The following GRIN3A variants were observed in gnomAD, a reference collection of about 807,000 sequenced individuals.
The protein encoded by GRIN3A is glutamate receptor ionotropic, NMDA 3A.
GRIN3A carries 47 observed loss-of-function variants against 92.4 expected under a neutral mutation model. That is an observed-to-expected ratio of 0.51 (90% confidence interval 0.40 to 0.65). GRIN3A has a LOEUF of 0.65. Ranked by LOEUF, GRIN3A falls within the 30% of genes least tolerant of loss-of-function variation. The probability of loss-of-function intolerance (pLI) is 0.00; values close to 1 mark genes in which losing one functional copy is unlikely to be tolerated. For missense variants in GRIN3A, 1,324 were observed against 1,393.1 expected, an observed-to-expected ratio of 0.95 and a Z score of 0.79; for synonymous variants, 527 against 540.6, an observed-to-expected ratio of 0.97 and a Z score of 0.35.
intron 6 of GRIN3A, among the ~76,000 whole-genome samples, chr9:101,586,109 CA>C (rs1448133786): frequency 6.6e-6 from 1 of 152,172 alleles, no homozygotes; most frequent in African/African-American, 2.4e-5. Context: ...TCTCAAATGT[CA>C]CCTATCCATG....
At position 101,623,204 on chromosome 9, in the gene GRIN3A, A is replaced by T; in HGVS notation, c.2614+114T>A. ...GCTAAGTGCTTATGAGTTGAAAATG[A>T]AAACGAGGGAAGATGAATAGCTCTT... On this transcript the variant is annotated intron_variant, in intron 5 of 8. Transcript: ENST00000361820. The T allele has an allele frequency of 6.6e-6, 5 of 752,004 alleles. No homozygotes were observed. In the South Asian group the frequency reaches 7.3e-5, roughly 11 times the overall value. 46.6% of individuals were successfully genotyped at this position (752,004 alleles called of 1,614,324 possible).
At chr9:101,638,674 T>C (rs1828814582) in intron 3 of GRIN3A, among the ~76,000 whole-genome samples, 1 of 152,254 alleles carries the variant, frequency 6.6e-6, no homozygotes, top group African/African-American at 2.4e-5. Flanking sequence ...TTTATATGTA[T>C]GAACTTTTAA....
intron 4 of GRIN3A, 27 bp downstream of exon 4, chr9:101,628,229 C>T (rs1179635504): frequency 1.2e-6 from 2 of 1,613,154 alleles, no homozygotes; most frequent in Non-Finnish European, 1.7e-6. Context: ...GAGAATTTTT[C>T]TTTGGATCCA....
At position 101,616,365 on chromosome 9, in the gene GRIN3A, C is replaced by A. The variant is rs201974552; in HGVS notation, c.2615-2838G>T. ...TATTTAATAATAACATCAGCAGAAT[C>A]AAAAGCTACCCATCCAAACTCTTTT... On this transcript the variant is annotated intron_variant, in intron 5 of 8. Coordinates refer to ENST00000361820, the MANE Select transcript of GRIN3A (RefSeq NM_133445.3). 8.4e-4 allele frequency among the ~76,000 whole-genome samples: 128 copies of A among 152,226 alleles called. 1 individual carries two copies. The highest frequency in any genetic ancestry group is 2.6e-3 in the African/African-American group (109 of 41,552).
intron 6 of GRIN3A, chr9:101,593,323 A>G (rs974121700): frequency 7.9e-5 from 12 of 152,208 alleles, no homozygotes; most frequent in Admixed American, 6.5e-4. Flanking sequence ...TCCACTAGGG[A>G]AAAGGCTTCC....
In GRIN3A at chr9:101,573,436, A is replaced by C; in HGVS notation, c.3086T>G (p.Phe1029Cys). The C allele has an allele frequency of 6.2e-7, 1 of 1,613,934 alleles. No individual in the cohort carries two copies. Among genetic ancestry groups the C allele is most frequent in the South Asian group, 1.1e-5 (1 of 91,074 alleles). Residue 1029 changes from phenylalanine (F) to cysteine (C), a missense_variant, in exon 9 of 9, where the codon TTT (phenylalanine) becomes TGT (cysteine). Transcript: ENST00000361820. Reference sequence around the variant, plus strand: ...CTGGTTTTGTCCTTCCTCATCACTAAAGATGTATTTCCGTCGGTTGTCATG... The same window carrying C: ...CTGGTTTTGTCCTTCCTCATCACTACAGATGTATTTCCGTCGGTTGTCATG... Reference protein sequence around the residue: ...LSHDNRRKYIFSDEEGQNQLG... With the variant: ...LSHDNRRKYICSDEEGQNQLG...
At chr9:101,668,522 G>A (rs182502340) in intron 3 of GRIN3A, among the ~76,000 whole-genome samples, 1 of 152,168 alleles carries the variant, frequency 6.6e-6, no homozygotes, top group East Asian at 1.9e-4. Context: ...ATAAACAAAG[G>A]CTGCTGATGC....
In GRIN3A at chr9:101,638,286, A is replaced by G. The variant is rs191687412; in HGVS notation, c.2353-9885T>C. Among the ~76,000 whole-genome samples the G allele has an allele frequency of 3.3e-5, 5 of 152,296 alleles. No individual in the cohort carries two copies. The East Asian group carries it at 9.6e-4, about 29-fold the overall frequency. On this transcript the variant is annotated intron_variant, in intron 3 of 8. Transcript: ENST00000361820. ...CAAATTATAGAATTTCAACAAAGGA[A>G]TCATTGCTATTCTGCTGCAAAGGTT...
At chr9:101,696,532 GT>G (rs71356380) in intron 1 of GRIN3A, among the ~76,000 whole-genome samples, 21,787 of 152,074 alleles carry the variant, frequency 0.14, 1,690 homozygotes, top group Admixed American at 0.19. Flanking sequence ...CACCACCTTG[GT>G]TTTGGTCAAA....
At chr9:101,708,000 G>C (rs773317003) in intron 1 of GRIN3A, among the ~76,000 whole-genome samples, 31 of 152,082 alleles carry the variant, frequency 2.0e-4, no homozygotes, top group Non-Finnish European at 3.5e-4. Flanking sequence ...GAAAAAAAGA[G>C]AACTCCTCAT....
intron 6 of GRIN3A, among the ~76,000 whole-genome samples, chr9:101,611,659 T>C (rs1828369910): frequency 6.6e-6 from 1 of 152,194 alleles, no homozygotes; most frequent in Non-Finnish European, 1.5e-5. Flanking sequence ...ACATTGACAA[T>C]ACAATTGTAA....
intron 3 of GRIN3A, among the ~76,000 whole-genome samples, chr9:101,642,959 T>A (rs981366394): frequency 6.6e-6 from 1 of 152,130 alleles, no homozygotes; most frequent in Non-Finnish European, 1.5e-5. Flanking sequence ...TATGATGAGT[T>A]GTGTATCATA....
intron 6 of GRIN3A, among the ~76,000 whole-genome samples, chr9:101,587,428 A>C (rs550917632): frequency 6.6e-6 from 1 of 152,284 alleles, no homozygotes; most frequent in South Asian, 2.1e-4. Context: ...TTTGAGATAG[A>C]CTGTATCCTG....
At chr9:101,683,847 TGAGAGAGA>T (rs55960998) in intron 2 of GRIN3A, among the ~76,000 whole-genome samples, 1,766 of 135,808 alleles carry the variant, frequency 0.013, 34 homozygotes, top group African/African-American at 0.043. Flanking sequence ...AGAGAGACAG[TGAGAGAGA>T]GAGAGAGAGA....
At chr9:101,638,084 G>A (rs899949717) in intron 3 of GRIN3A, among the ~76,000 whole-genome samples, 1 of 152,124 alleles carries the variant, frequency 6.6e-6, no homozygotes, top group African/African-American at 2.4e-5. Flanking sequence ...ATAATTTTCT[G>A]AATTATATTT....
At chr9:101,663,600 C>A (rs1380700884) in intron 3 of GRIN3A, among the ~76,000 whole-genome samples, 2 of 151,766 alleles carry the variant, frequency 1.3e-5, no homozygotes, top group African/African-American at 4.8e-5. Flanking sequence ...TATTGGGCAG[C>A]CACAAGCTGT....
intron 6 of GRIN3A, among the ~76,000 whole-genome samples, chr9:101,606,741 A>G (rs1828287742): frequency 6.6e-6 from 1 of 152,014 alleles, no homozygotes; most frequent in African/African-American, 2.4e-5. Flanking sequence ...GAGGCTTGCA[A>G]AAAGAAAGAA....
At chr9:101,684,148 G>T in intron 2 of GRIN3A, among the ~76,000 whole-genome samples, 1 of 148,874 alleles carries the variant, frequency 6.7e-6, no homozygotes, top group African/African-American at 2.5e-5. Context: ...GTCTCGCCAG[G>T]CTGGAGTGCA....
intron 3 of GRIN3A, among the ~76,000 whole-genome samples, chr9:101,643,485 C>G (rs1365008284): frequency 6.6e-6 from 1 of 151,964 alleles, no homozygotes; most frequent in Non-Finnish European, 1.5e-5. Flanking sequence ...ATGGGAAACA[C>G]CATGGAGTTT....
Sources: gnomAD v4.1 joint callset for allele counts (sites outside exome capture counted in the v4.1 genomes callset) on GRCh38, gnomAD v4.1.1 for gene constraint, MANE v1.5 for transcripts, NCBI Gene and HGNC (gene_info 2026-07-23, HGNC 2026-07-21) for gene names.